Variants in LYPLA1 observed in about 807,000 individuals in gnomAD.
LYPLA1 encodes the protein lysophospholipase 1, also known as acyl-protein thioesterase 1.
LYPLA1 carries 17 observed loss-of-function variants against 34.0 expected under a neutral mutation model. The ratio of observed to expected loss-of-function variants is 0.50; its 90% confidence interval spans 0.34 to 0.75. The LOEUF is 0.75. LYPLA1 is among the 30% of genes least tolerant of loss of function. The pLI is 0.01. For synonymous variants in LYPLA1, 98 were observed against 100.8 expected, an observed-to-expected ratio of 0.97 and a Z score of 0.17; for missense variants, 203 against 288.8, an observed-to-expected ratio of 0.70 and a Z score of 2.15.
intron 3 of LYPLA1, 35 bp downstream of exon 3, chr8:54,065,713 T>G: frequency 6.3e-7 from 1 of 1,578,972 alleles, no homozygotes; most frequent in Non-Finnish European, 8.7e-7. Flanking sequence ...CTCTCCAGAC[T>G]CTGAATCACA....
At chr8:54,088,462 C>T (rs745845998) in intron 2 of LYPLA1, among the ~76,000 whole-genome samples, 1 of 152,106 alleles carries the variant, frequency 6.6e-6, no homozygotes. Context: ...CAAGTGTTAA[C>T]GAGGATGGCG....
intron 2 of LYPLA1, among the ~76,000 whole-genome samples, chr8:54,099,579 AG>A: frequency 6.6e-6 from 1 of 152,328 alleles, no homozygotes; most frequent in Middle Eastern, 3.4e-3. Context: ...CGGGAGACCC[AG>A]GAACCCAGAA....
At chr8:54,055,672 C>T (rs572043643) in intron 5 of LYPLA1, among the ~76,000 whole-genome samples, 21 of 147,204 alleles carry the variant, frequency 1.4e-4, no homozygotes, top group Middle Eastern at 3.4e-3. Context: ...GAGACAAAGT[C>T]TCGCTCTGTC....
At chr8:54,099,560 C>T (rs1180677201) in intron 2 of LYPLA1, among the ~76,000 whole-genome samples, 2 of 152,122 alleles carry the variant, frequency 1.3e-5, no homozygotes, top group Non-Finnish European at 2.9e-5. Context: ...AACTGTAGTC[C>T]CAGCTACTCG....
In LYPLA1 at chr8:54,084,137, A is replaced by T. The variant is rs867217668; in HGVS notation, c.101+16771T>A. On this transcript the variant is annotated intron_variant, in intron 2 of 8. Transcript: ENST00000316963. ...TGGGAGACCAAAGAAAAAAAAAATA[A>T]ATAAATATATATATATATATATATA... Among the ~76,000 whole-genome samples the T allele has an allele frequency of 8.5e-3, 1,020 of 119,318 alleles. 13 individuals carry two copies. The highest frequency in any genetic ancestry group is 0.016 in the African/African-American group (338 of 21,054). 78.3% of individuals were successfully genotyped at this position (119,318 alleles called of 152,430 possible).
chr8:54,084,124 G>GA (rs201545035), intron 2 of LYPLA1, among the ~76,000 whole-genome samples: 31 of 56,382 alleles, frequency 5.5e-4, no homozygotes, highest in Middle Eastern at 0.01. Flanking sequence ...GGAGACCAAA[G>GA]AAAAAAAAAA....
chr8:54,089,283 C>A (rs541029191), intron 2 of LYPLA1, among the ~76,000 whole-genome samples: 3 of 151,686 alleles, frequency 2.0e-5, no homozygotes, highest in South Asian at 4.2e-4. Flanking sequence ...TTACCACCAT[C>A]AAAAAATAGG....
chr8:54,094,860 G>A (rs1242797380), intron 2 of LYPLA1, among the ~76,000 whole-genome samples: 1 of 152,132 alleles, frequency 6.6e-6, no homozygotes, highest in African/African-American at 2.4e-5. Context: ...GACAATTTGA[G>A]CATCAAAATA....
At chr8:54,049,935 C>T (rs748531791) in intron 8 of LYPLA1, among the ~76,000 whole-genome samples, 36 of 152,296 alleles carry the variant, frequency 2.4e-4, no homozygotes, top group Non-Finnish European at 4.4e-4. Flanking sequence ...CTTAATCCTT[C>T]TCTGGAACAC....
chr8:54,101,136 G>C (rs1325416099), intron 1 of LYPLA1, among the ~76,000 whole-genome samples, 197 bp from the exon 2 acceptor site: 1 of 137,888 alleles, frequency 7.3e-6, no homozygotes, highest in Non-Finnish European at 1.5e-5. Flanking sequence ...TATTTCCTGA[G>C]ATAATGAATG....
At chr8:54,064,456 C>T (rs1806896706) in intron 3 of LYPLA1, among the ~76,000 whole-genome samples, 1 of 152,158 alleles carries the variant, frequency 6.6e-6, no homozygotes, top group Non-Finnish European at 1.5e-5. Context: ...CTGTCTCTTG[C>T]TTGAGCAGAA....
At chr8:54,053,799 A>C in intron 6 of LYPLA1, 2 of 449,092 alleles carry the variant, frequency 4.5e-6, no homozygotes, top group South Asian at 3.1e-5. Flanking sequence ...GCAAGGCCCA[A>C]CTGCTTTTCA....
At chr8:54,101,554 G>A (rs919396417) in intron 1 of LYPLA1, 3 of 1,148,204 alleles carry the variant, frequency 2.6e-6, no homozygotes, top group Non-Finnish European at 3.2e-6. Context: ...GCTGGGGACT[G>A]GCCCTCGCGC....
At position 54,083,014 on chromosome 8, in the gene LYPLA1, C is replaced by A. The variant is rs145143807; in HGVS notation, c.102-17201G>T. ...GTGCTGGGATCACAGACATGAGCCA[C>A]CGCACCCGGTCTCATTGTACAGTCT... On this transcript the variant is annotated intron_variant, in intron 2 of 8. Transcript: ENST00000316963. Among the ~76,000 whole-genome samples the A allele has an allele frequency of 3.5e-4, 53 of 152,320 alleles. No individual in the cohort carries two copies. The East Asian group carries it at 7.5e-3, about 22-fold the overall frequency.
At position 54,048,102 on chromosome 8, in the gene LYPLA1, T is replaced by C. The variant is rs758092929; in HGVS notation, c.656A>G (p.Lys219Arg). The change falls in exon 9 of 9, where the codon AAG becomes AGG. Residue 219 changes from lysine to arginine, a missense_variant. Physicochemically the swap from Lys to Arg is conservative, Grantham distance 26. This residue lies in a region of LYPLA1 where 123 missense variants were observed against 199.2 expected (regional missense o/e 0.62). Transcript: ENST00000316963. The stretch of plus-strand genomic sequence containing the variant: ...AGGTAGGAGTTTATCAATGAATTGC[T>C]TGACATCCATCATTTCCTGTTTGGA... ...SSCQQEMMDV[K>R]QFIDKLLPPI... 2 of 1,609,458 alleles carry C rather than the reference T, an allele frequency of 1.2e-6. No individual in the cohort carries two copies. The highest frequency in any genetic ancestry group is 1.7e-6 in the Non-Finnish European group (2 of 1,176,158).
chr8:54,075,869 T>C lies in LYPLA1; in HGVS notation c.102-10056A>G, dbSNP rs1001525062. ...TAATGAACATATTTGTTTAGGAAGA[T>C]TGCACTGCAGAACAGGCAGAGGTGC... On this transcript the variant is annotated intron_variant, in intron 2 of 8. Coordinates refer to ENST00000316963, the MANE Select transcript of LYPLA1 (RefSeq NM_006330.4). Among the ~76,000 whole-genome samples, 9 of 152,214 alleles carry C rather than the reference T, an allele frequency of 5.9e-5. No homozygotes were observed. In the South Asian group the frequency reaches 1.5e-3, roughly 25 times the overall value.
intron 2 of LYPLA1, among the ~76,000 whole-genome samples, chr8:54,087,349 T>A (rs1808878289): frequency 6.6e-6 from 1 of 152,190 alleles, no homozygotes; most frequent in South Asian, 2.1e-4. Context: ...ACTTGAAAAC[T>A]GGGCAGGGCA....
intron 2 of LYPLA1, among the ~76,000 whole-genome samples, chr8:54,089,504 G>GGGGA: frequency 7.3e-6 from 1 of 136,752 alleles, no homozygotes; most frequent in Non-Finnish European, 1.5e-5. Flanking sequence ...GGGGGGGGCG[G>GGGGA]GATCTTTGAA....
chr8:54,072,860 G>C (rs1217990996), intron 2 of LYPLA1, among the ~76,000 whole-genome samples: 1 of 149,286 alleles, frequency 6.7e-6, no homozygotes, highest in East Asian at 2.0e-4. Context: ...CGTGCCTGTA[G>C]TCCCAGCTAC....
Sources: gnomAD v4.1 joint callset for allele counts (sites outside exome capture counted in the v4.1 genomes callset) on GRCh38, gnomAD v4.1.1 for gene constraint, gnomAD v4.1.1 regional missense constraint, MANE v1.5 for transcripts, NCBI Gene and HGNC (gene_info 2026-07-23, HGNC 2026-07-21) for gene names.